HOXC4: variants seen among roughly 807,000 people sequenced by gnomAD.
HOXC4 encodes homeobox C4, also known as homeobox protein Hox-C4.
A neutral mutation model predicts 25.5 loss-of-function variants in HOXC4; 15 were observed. That is an observed-to-expected ratio of 0.59 (90% CI 0.39 to 0.91). HOXC4 has a LOEUF of 0.91. Ranked by LOEUF, HOXC4 falls within the 40% of genes least tolerant of loss-of-function variation. The pLI is 0.00. For missense variants in HOXC4, 342 were observed against 352.4 expected, an observed-to-expected ratio of 0.97 and a Z score of 0.24; for synonymous variants, 165 against 148.0, an observed-to-expected ratio of 1.11 and a Z score of -0.83.
chr12:54,033,336 G>T (rs1245081272), intron 1 of HOXC4: 1 of 1,612,860 alleles, frequency 6.2e-7, no homozygotes, highest in Non-Finnish European at 8.5e-7. Flanking sequence ...GGCTCACCCC[G>T]ACCGCCCCGC....
At chr12:54,018,893 G>C (rs748765685) in intron 1 of HOXC4, among the ~76,000 whole-genome samples, 2 of 152,178 alleles carry the variant, frequency 1.3e-5, no homozygotes, top group Non-Finnish European at 2.9e-5. Context: ...AGTCCCAGTG[G>C]GGGAGGGGAT....
At chr12:54,031,001 G>C (rs377753939) in intron 1 of HOXC4, among the ~76,000 whole-genome samples, 24 of 152,242 alleles carry the variant, frequency 1.6e-4, no homozygotes, top group African/African-American at 5.8e-4. Flanking sequence ...GCACTGAGGG[G>C]CTGGGAGGCC....
intron 1 of HOXC4, among the ~76,000 whole-genome samples, chr12:54,024,505 C>T (rs573452471): frequency 1.4e-3 from 211 of 152,300 alleles, no homozygotes; most frequent in African/African-American, 4.8e-3. Context: ...CTAAGGAGGA[C>T]CTCTGGAAAA....
chr12:54,035,521 C>T (rs572161388), intron 1 of HOXC4, among the ~76,000 whole-genome samples: 5 of 152,270 alleles, frequency 3.3e-5, no homozygotes, highest in Non-Finnish European at 5.9e-5. Flanking sequence ...GAGCTCCTTT[C>T]CTGTTCCTTG....
At chr12:54,029,739 T>C (rs372813456) in intron 1 of HOXC4, 1 of 1,614,142 alleles carries the variant, frequency 6.2e-7, no homozygotes, top group South Asian at 1.1e-5. Flanking sequence ...GAATTTCACT[T>C]CAATCGCTAC....
Position 54,020,179 on chromosome 12 carries a change from C to T in HOXC4, c.-124+2765C>T, listed in dbSNP as rs1940369480. ...TGGTCCTTCCTGCAGGAGAGCCCTT[C>T]TGTGATTATCTAATAATAGCCAGGG... is the stretch of plus-strand genomic sequence containing the variant. On this transcript the variant is annotated intron_variant, in intron 1 of 3. Coordinates refer to the HOXC4 transcript ENST00000303406. The T allele has an allele frequency of 2.0e-5, 3 of 152,256 alleles. No homozygotes were observed. The South Asian group carries it at 6.2e-4, about 31-fold the overall frequency. 9.4% of individuals were successfully genotyped at this position (152,256 alleles called of 1,614,324 possible).
In HOXC4 at chr12:54,034,115, C is replaced by T. The variant is rs1941105891; in HGVS notation, c.-124+16701C>T. 6 of 743,370 alleles carry T rather than the reference C, an allele frequency of 8.1e-6. No homozygotes were observed. The Admixed American group carries it at 9.9e-5, about 12-fold the overall frequency. The allele number at this position is 743,370 out of a possible 1,614,324, so 46.0% of individuals were successfully genotyped here. ...CCTGCCTGGGCGGAGGCGCCTCTCC[C>T]GGGGCTGGGCTGGGCTGGCCCGCCT... On this transcript the variant is annotated intron_variant, in intron 1 of 3. Coordinates refer to the HOXC4 transcript ENST00000303406.
intron 1 of HOXC4, chr12:54,038,048 C>A (rs1217082281): frequency 1.3e-5 from 2 of 152,182 alleles, no homozygotes; most frequent in African/African-American, 2.4e-5. Flanking sequence ...CTCTCAGACC[C>A]TTTCTCCCAT....
chr12:54,037,191 C>T (rs926175151), intron 1 of HOXC4, among the ~76,000 whole-genome samples: 8 of 152,234 alleles, frequency 5.3e-5, no homozygotes, highest in Non-Finnish European at 1.0e-4. Flanking sequence ...CCAGAGGCCT[C>T]GTACCTACTT....
chr12:54,033,155 G>C lies in HOXC4; in HGVS notation c.-124+15741G>C, dbSNP rs35606176. ...CCTACGTAGCCAATTCATTCTATAA[G>C]CAGAGCCCCAATATCCCTGCCTATA... On this transcript the variant is annotated intron_variant, in intron 1 of 3. Transcript: ENST00000303406. The C allele has an allele frequency of 1.7e-3, 2,681 of 1,613,672 alleles. 33 individuals are homozygous for C. In the African/African-American group the frequency reaches 0.032, roughly 19 times the overall value.
At chr12:54,051,243 C>A (rs893527326), upstream of HOXC4, among the ~76,000 whole-genome samples, 1 of 151,772 alleles carries the variant, frequency 6.6e-6, no homozygotes. Flanking sequence ...GGAGTGGGGC[C>A]GGGAAGGTTT....
At chr12:54,028,379 T>G in intron 1 of HOXC4, 1 of 852,730 alleles carries the variant, frequency 1.2e-6, no homozygotes, top group Non-Finnish European at 1.8e-6. Flanking sequence ...TGGCTTGCGA[T>G]TGGCTGGGAG....
At chr12:54,033,159 A>T in intron 1 of HOXC4, 1 of 1,613,814 alleles carries the variant, frequency 6.2e-7, no homozygotes, top group Non-Finnish European at 8.5e-7. Flanking sequence ...CTATAAGCAG[A>T]GCCCCAATAT....
chr12:54,031,800 G>A (rs1280395376), intron 1 of HOXC4, among the ~76,000 whole-genome samples: 7 of 152,186 alleles, frequency 4.6e-5, no homozygotes, highest in African/African-American at 1.7e-4. Context: ...GGCTACGGGG[G>A]AAGAGGATGG....
At chr12:54,030,947 G>T (rs4759319) in intron 1 of HOXC4, 48,460 of 152,282 alleles carry the variant, frequency 0.32, 8,140 homozygotes, top group East Asian at 0.43. Context: ...GCCTTCCCCG[G>T]AGCCCAGGCG....
At chr12:54,052,170 A>G (rs1224697044), upstream of HOXC4, among the ~76,000 whole-genome samples, 1 of 152,168 alleles carries the variant, frequency 6.6e-6, no homozygotes. Context: ...AAAAAAAATC[A>G]CATTACGACT....
chr12:54,033,868 G>C, intron 1 of HOXC4: 1 of 505,002 alleles, frequency 2.0e-6, no homozygotes. Flanking sequence ...GCTCCAGAGC[G>C]GGGATCCCCC....
chr12:54,042,613 G>A (rs989844908), intron 1 of HOXC4, among the ~76,000 whole-genome samples: 1 of 152,128 alleles, frequency 6.6e-6, no homozygotes, highest in African/African-American at 2.4e-5. Context: ...GATTTAATTA[G>A]GTCCTTTTTG....
chr12:54,039,210 G>A (rs1175208219), intron 1 of HOXC4, among the ~76,000 whole-genome samples: 1 of 152,160 alleles, frequency 6.6e-6, no homozygotes, highest in Admixed American at 6.5e-5. Flanking sequence ...CTTCCAGAAG[G>A]GGAGCATGCC....
Sources: gnomAD v4.1 joint callset for allele counts (sites outside exome capture counted in the v4.1 genomes callset) on GRCh38, gnomAD v4.1.1 for gene constraint, MANE v1.5 for transcripts, NCBI Gene and HGNC (gene_info 2026-07-23, HGNC 2026-07-21) for gene names.